The following FHIP1A variants were observed in gnomAD, a reference collection of about 807,000 sequenced individuals.
FHIP1A encodes FHF complex subunit HOOK-interacting protein 1A.
In FHIP1A, 61 loss-of-function variants were observed where a neutral mutation model predicts 88.6. The ratio of observed to expected loss-of-function variants is 0.69; its 90% CI spans 0.56 to 0.85. The LOEUF (loss-of-function observed/expected upper bound fraction) is 0.85. FHIP1A is among the 40% of genes least tolerant of loss of function. The probability of loss-of-function intolerance (pLI) is 0.00; values close to 1 mark genes in which losing one functional copy is unlikely to be tolerated. For synonymous variants in FHIP1A, 478 were observed against 496.0 expected (o/e 0.96, Z 0.48); for missense variants, 1,154 against 1,273.5 (o/e 0.91, Z 1.43).
chr4:151,540,778 C>G (rs1732254478), intron 3 of FHIP1A, among the ~76,000 whole-genome samples: 1 of 152,104 alleles, frequency 6.6e-6, no homozygotes, highest in Admixed American at 6.5e-5. Flanking sequence ...TCTCCTGAGT[C>G]AGGCAGCTGC....
intron 7 of FHIP1A, among the ~76,000 whole-genome samples, chr4:151,616,223 C>T (rs765085507): frequency 1.3e-5 from 2 of 152,132 alleles, no homozygotes; most frequent in Non-Finnish European, 2.9e-5. Flanking sequence ...GGGCTCTCCT[C>T]CCCATCTGAG....
chr4:151,538,469 A>G (rs1732150431), intron 3 of FHIP1A, among the ~76,000 whole-genome samples: 1 of 152,146 alleles, frequency 6.6e-6, no homozygotes, highest in Non-Finnish European at 1.5e-5. Flanking sequence ...GACCTTCCAA[A>G]TCAGAATCTG....
At chr4:151,512,688 AAG>A (rs1308466656) in intron 3 of FHIP1A, among the ~76,000 whole-genome samples, 4 of 152,210 alleles carry the variant, frequency 2.6e-5, no homozygotes, top group Non-Finnish European at 5.9e-5. Context: ...GATCAACTGG[AAG>A]AAAGGGTATC....
At chr4:151,525,903 G>A (rs985758686) in intron 3 of FHIP1A, among the ~76,000 whole-genome samples, 18 of 151,918 alleles carry the variant, frequency 1.2e-4, no homozygotes, top group African/African-American at 3.9e-4. Context: ...AGGACCCTGC[G>A]GCCTTCCGCA....
intron 3 of FHIP1A, among the ~76,000 whole-genome samples, chr4:151,548,928 C>T (rs966647484): frequency 2.0e-5 from 3 of 152,204 alleles, no homozygotes; most frequent in Non-Finnish European, 2.9e-5. Flanking sequence ...GGGTGCCCCT[C>T]GCAGATGGAA....
At chr4:151,550,138 G>A (rs971154063) in intron 3 of FHIP1A, among the ~76,000 whole-genome samples, 10 of 151,802 alleles carry the variant, frequency 6.6e-5, no homozygotes, top group East Asian at 3.9e-4. Flanking sequence ...ATGTATTTAC[G>A]GGGTACATGA....
At chr4:151,481,961 A>C (rs1354409267) in intron 2 of FHIP1A, among the ~76,000 whole-genome samples, 4 of 152,126 alleles carry the variant, frequency 2.6e-5, no homozygotes, top group Admixed American at 2.6e-4. Context: ...TGTGTTACGA[A>C]AATTATCTTG....
chr4:151,473,822 A>G (rs1202375044), intron 2 of FHIP1A, among the ~76,000 whole-genome samples: 1 of 152,172 alleles, frequency 6.6e-6, no homozygotes, highest in Non-Finnish European at 1.5e-5. Flanking sequence ...GATGTTGTGT[A>G]AAAATGTGAA....
At chr4:151,536,443 C>T (rs1732071961) in intron 3 of FHIP1A, among the ~76,000 whole-genome samples, 1 of 152,150 alleles carries the variant, frequency 6.6e-6, no homozygotes, top group Non-Finnish European at 1.5e-5. Flanking sequence ...CACACCACTT[C>T]CCTCCTGCCC....
chr4:151,562,770 A>G (rs1192737898), intron 3 of FHIP1A, among the ~76,000 whole-genome samples: 3 of 152,222 alleles, frequency 2.0e-5, no homozygotes, highest in Admixed American at 6.5e-5. Context: ...CGATTTTGAC[A>G]TATTTTTAGC....
rs570844957 is a variant in FHIP1A at position 151,669,027 on chromosome 4, C to T, written c.*6273C>T. On this transcript the variant is annotated 3_prime_UTR_variant, in exon 14 of 14. Coordinates refer to ENST00000435205, the MANE Select transcript of FHIP1A (RefSeq NM_001109977.3). The stretch of plus-strand genomic sequence containing the variant: ...TGAGATTTCTCCCTGAAGGGTGAAC[C>T]AGTAGACCAGACTAAACGCACACTC... Among the ~76,000 whole-genome samples the T allele has an allele frequency of 6.6e-6, 1 of 152,340 alleles. No homozygotes were observed. The highest frequency in any genetic ancestry group is 2.1e-4 in the South Asian group (1 of 4,824).
At chr4:151,570,717 G>A (rs1198914267) in intron 4 of FHIP1A, among the ~76,000 whole-genome samples, 2 of 152,160 alleles carry the variant, frequency 1.3e-5, no homozygotes, top group African/African-American at 2.4e-5. Context: ...CCCATTGCCC[G>A]GAACAGAGTG....
At chr4:151,597,293 C>T (rs778912066) in intron 7 of FHIP1A, among the ~76,000 whole-genome samples, 5 of 152,112 alleles carry the variant, frequency 3.3e-5, no homozygotes, top group Non-Finnish European at 5.9e-5. Context: ...CCCTCTGCTG[C>T]AGGTCTGCTG....
intron 8 of FHIP1A, 55 bp downstream of exon 8, chr4:151,629,924 G>T: frequency 5.3e-6 from 7 of 1,312,090 alleles, no homozygotes; most frequent in Admixed American, 2.8e-5. Flanking sequence ...TTTCAGGAGA[G>T]TTTTTTTTTG....
At chr4:151,410,451 T>A (rs1732579453) in intron 1 of FHIP1A, among the ~76,000 whole-genome samples, 1 of 152,250 alleles carries the variant, frequency 6.6e-6, no homozygotes, top group Admixed American at 6.5e-5. Flanking sequence ...CATTAGGAAG[T>A]CAGCTGCTCC....
In FHIP1A at chr4:151,650,565, G is replaced by A. The variant is rs1273013945; in HGVS notation, c.2524G>A (p.Val842Met). ...GGCTGCCTTTGCCAGTCGCCATCCC[G>A]TGAGGACTCAAAGCACCCCATTCAC... ...DEAAFASRHPVRTQSTPFTGP... is the reference protein window; with the variant it reads ...DEAAFASRHPMRTQSTPFTGP... Residue 842 changes from valine to methionine, a missense_variant, in exon 11 of 14, where the codon GTG becomes ATG. By Grantham distance (21) the Val-to-Met change is conservative. Coordinates refer to ENST00000435205, the MANE Select transcript of FHIP1A (RefSeq NM_001109977.3). 1.9e-5 allele frequency: 30 copies of A among 1,550,652 alleles called. No homozygotes were observed. The highest frequency in any genetic ancestry group is 2.4e-5 in the Non-Finnish European group (28 of 1,146,718).
intron 1 of FHIP1A, among the ~76,000 whole-genome samples, chr4:151,434,209 A>G (rs907876795): frequency 6.6e-6 from 1 of 151,988 alleles, no homozygotes; most frequent in Non-Finnish European, 1.5e-5. Flanking sequence ...TTCATTTACT[A>G]CCCTAATTTA....
At chr4:151,635,813 T>A (rs1347084848) in intron 8 of FHIP1A, among the ~76,000 whole-genome samples, 3 of 152,012 alleles carry the variant, frequency 2.0e-5, no homozygotes, top group Non-Finnish European at 1.5e-5. Context: ...TGCATAACAA[T>A]GTGAATATAG....
chr4:151,535,782 G>T (rs936872549), intron 3 of FHIP1A, among the ~76,000 whole-genome samples: 1 of 152,200 alleles, frequency 6.6e-6, no homozygotes, highest in Non-Finnish European at 1.5e-5. Flanking sequence ...AATGTATCTT[G>T]ACTATCATTC....
Sources: allele counts gnomAD v4.1 joint callset (sites outside exome capture counted in the v4.1 genomes callset), GRCh38; gene constraint gnomAD v4.1.1; transcripts MANE v1.5; gene names NCBI Gene and HGNC (gene_info 2026-07-23, HGNC 2026-07-21).